Variants in RBL1 observed in about 807,000 individuals in gnomAD.
RBL1 encodes the protein RB transcriptional corepressor like 1.
In RBL1, 82 loss-of-function variants were observed where a neutral mutation model predicts 123.0. The observed-to-expected ratio is 0.67, with a 90% CI of 0.56 to 0.80. RBL1 has a LOEUF of 0.80. RBL1 is among the 30% of genes least tolerant of loss of function. The probability of loss-of-function intolerance (pLI) is 0.00; values close to 1 mark genes in which losing one functional copy is unlikely to be tolerated. For missense variants in RBL1, 1,171 were observed against 1,299.6 expected (o/e 0.90, Z 1.52); for synonymous variants, 405 against 441.3 (o/e 0.92, Z 1.03).
At chr20:37,035,727 G>A (rs1215258909) in intron 14 of RBL1, among the ~76,000 whole-genome samples, 2 of 152,146 alleles carry the variant, frequency 1.3e-5, no homozygotes, top group Non-Finnish European at 2.9e-5. Context: ...CATCTTCCTG[G>A]TTTCTTGAAC....
chr20:37,022,278 T>A (rs1355562453), intron 17 of RBL1, among the ~76,000 whole-genome samples: 1 of 152,226 alleles, frequency 6.6e-6, no homozygotes, highest in Non-Finnish European at 1.5e-5. Flanking sequence ...AAAATGCTCT[T>A]CTGAGGCAGC....
At chr20:37,060,330 A>C (rs1217476338) in intron 9 of RBL1, among the ~76,000 whole-genome samples, 1 of 152,142 alleles carries the variant, frequency 6.6e-6, no homozygotes, top group African/African-American at 2.4e-5. Context: ...GAAACAAACA[A>C]AAATAAAAAT....
At chr20:37,027,701 A>G (rs2036049661) in intron 16 of RBL1, among the ~76,000 whole-genome samples, 1 of 152,248 alleles carries the variant, frequency 6.6e-6, no homozygotes, top group South Asian at 2.1e-4. Flanking sequence ...TTTAGGCATT[A>G]TAATAAGAAC....
intron 14 of RBL1, among the ~76,000 whole-genome samples, chr20:37,037,085 C>T (rs962487316): frequency 1.3e-5 from 2 of 152,196 alleles, no homozygotes; most frequent in African/African-American, 4.8e-5. Context: ...CTTCTCCTGT[C>T]TTCAGTAAAC....
chr20:37,044,298 C>A, intron 12 of RBL1, 48 bp from the exon 13 acceptor site: 2 of 1,570,590 alleles, frequency 1.3e-6, no homozygotes, highest in South Asian at 1.1e-5. Context: ...GCAGTTAGTT[C>A]TAGTCTGGAC....
In RBL1 at chr20:36,998,873, T is replaced by C; in HGVS notation, c.3093A>G (p.Arg1031=). The change falls in exon 22 of 22, where the codon CGA becomes CGG. Residue 1031 remains arginine, a synonymous_variant. Coordinates refer to ENST00000373664, the MANE Select transcript of RBL1 (RefSeq NM_002895.5). ...CTGCATCACTATCGATGGCTATTAC[T>C]CGCTTCTTGGTTCTCTGCTCACCTT... is the stretch of plus-strand genomic sequence containing the variant. The part of the protein sequence containing the change: ...IRQGEQRTKK[R]VIAIDSDAES... 1 of 1,613,726 alleles carries C rather than the reference T, an allele frequency of 6.2e-7. No homozygotes were observed. Among genetic ancestry groups the C allele is most frequent in the Non-Finnish European group, 8.5e-7 (1 of 1,179,666 alleles).
In RBL1 at chr20:37,067,974, T is replaced by C; in HGVS notation, c.491+12A>G. On this transcript the variant is annotated intron_variant, in intron 3 of 21. Transcript: ENST00000373664. Reference sequence around the variant, plus strand: ...AATCTTTATGTCAATTATATAAGGATTAAGGGCTCACCTCTGCTTCCGGCT... The same window carrying C: ...AATCTTTATGTCAATTATATAAGGACTAAGGGCTCACCTCTGCTTCCGGCT... 1 of 1,612,166 alleles carries C rather than the reference T, an allele frequency of 6.2e-7. No homozygotes were observed. Among genetic ancestry groups the C allele is most frequent in the Non-Finnish European group, 8.5e-7 (1 of 1,179,284 alleles).
intron 20 of RBL1, among the ~76,000 whole-genome samples, chr20:37,006,237 G>C (rs900732082): frequency 2.7e-5 from 4 of 146,818 alleles, no homozygotes; most frequent in Non-Finnish European, 6.0e-5. Flanking sequence ...TTTCCCTCTT[G>C]TCACCCAGGC....
chr20:37,061,342 A>AT (rs1472075509), intron 8 of RBL1, 73 bp from the exon 9 acceptor site: 87 of 1,504,992 alleles, frequency 5.8e-5, no homozygotes, highest in Non-Finnish European at 7.5e-5. Flanking sequence ...TTCAGTGCAT[A>AT]TACCATCTTC....
In RBL1 at chr20:37,040,223, CA is replaced by C; in HGVS notation, c.1832del (p.Leu611ArgfsTer7). 1 of 1,614,128 alleles carries C rather than the reference CA, an allele frequency of 6.2e-7. No individual in the cohort carries two copies. Reference protein sequence around the residue: ...NGGNVQGHLPLMPMSPLMHPR... With the variant: ...NGGNVQGHLPXMPMSPLMHPR... ...GGTGCATTAGAGGAGACATTGGCATCAGGGGAAGATGTCCCTGCACATTTCC... is the reference window on the plus strand; with the variant it reads ...GGTGCATTAGAGGAGACATTGGCATCGGGGAAGATGTCCCTGCACATTTCC... On this transcript the variant is annotated frameshift_variant, in exon 14 of 22. Transcript: ENST00000373664. LOFTEE classifies it high-confidence loss of function.
chr20:37,077,787 GAAA>G (rs147186219), intron 2 of RBL1, among the ~76,000 whole-genome samples: 11 of 117,938 alleles, frequency 9.3e-5, no homozygotes, highest in African/African-American at 2.5e-4. Context: ...TCTATTTTCT[GAAA>G]AAAAAAAAAA....
intron 11 of RBL1, among the ~76,000 whole-genome samples, chr20:37,055,274 C>G (rs1351401990): frequency 9.2e-6 from 1 of 108,948 alleles, no homozygotes; most frequent in Non-Finnish European, 1.7e-5. Context: ...GTTGCTTTAA[C>G]AGGTGGAGGG....
chr20:37,051,187 C>CT (rs914154164), intron 11 of RBL1, among the ~76,000 whole-genome samples: 17 of 85,080 alleles, frequency 2.0e-4, no homozygotes, highest in African/African-American at 3.9e-4. Flanking sequence ...ATCTTTTTTT[C>CT]TTTTTTTTTT....
At chr20:37,005,900 T>TC (rs1363556858) in intron 20 of RBL1, among the ~76,000 whole-genome samples, 36 of 138,568 alleles carry the variant, frequency 2.6e-4, no homozygotes, top group African/African-American at 1.0e-3. Flanking sequence ...CTTTCTTTTT[T>TC]TTTTTTTTTT....
chr20:37,018,423 A>T, intron 18 of RBL1, 54 bp from the exon 19 acceptor site: 1 of 1,538,250 alleles, frequency 6.5e-7, no homozygotes, highest in Non-Finnish European at 8.7e-7. Flanking sequence ...TACAGGTTAA[A>T]CAAAATCAAA....
rs754788051 is a variant in RBL1 at position 37,061,249 on chromosome 20, A to G, written c.1104T>C (p.Ser368=). Residue 368 remains serine, a synonymous_variant, in exon 9 of 22, where the codon TCT becomes TCC. Coordinates refer to ENST00000373664, the MANE Select transcript of RBL1 (RefSeq NM_002895.5). ...HFEKKRSFAP[S]TPLTGRRYLR... Reference sequence around the variant, plus strand: ...AATATCTCCGTCCGGTCAGTGGGGTAGAAGGTGCAAATGACCTTTTCTGTC... The same window carrying G: ...AATATCTCCGTCCGGTCAGTGGGGTGGAAGGTGCAAATGACCTTTTCTGTC... 1 of 1,612,170 alleles carries G rather than the reference A, an allele frequency of 6.2e-7. No homozygotes were observed. The highest frequency in any genetic ancestry group is 8.5e-7 in the Non-Finnish European group (1 of 1,179,310).
chr20:37,084,531 C>T (rs1306077925), intron 2 of RBL1, among the ~76,000 whole-genome samples: 1 of 151,970 alleles, frequency 6.6e-6, no homozygotes, highest in Non-Finnish European at 1.5e-5. Context: ...TGAGACCCGT[C>T]TCTACAAAAA....
intron 9 of RBL1, among the ~76,000 whole-genome samples, chr20:37,059,176 A>C (rs1239054491): frequency 6.6e-6 from 1 of 152,202 alleles, no homozygotes; most frequent in Non-Finnish European, 1.5e-5. Flanking sequence ...CTATTTACTC[A>C]AATGATATGG....
rs917873666 is a variant in RBL1, at chr20:37,006,424, C to T, written c.2871+987G>A. On this transcript the variant is annotated intron_variant, in intron 20 of 21. Transcript: ENST00000373664. ...GCCAGGCTGGTCTCAAACTCCTGAC[C>T]TCTGGTGATCCGCCCGCCTAGGCCT... is the stretch of plus-strand genomic sequence containing the variant. Among the ~76,000 whole-genome samples, 9 of 151,198 alleles carry T rather than the reference C, an allele frequency of 6.0e-5. 1 individual carries two copies. The highest frequency in any genetic ancestry group is 1.9e-4 in the African/African-American group (8 of 41,278).
Sources: gnomAD v4.1 joint callset for allele counts (sites outside exome capture counted in the v4.1 genomes callset) on GRCh38, gnomAD v4.1.1 for gene constraint, MANE v1.5 for transcripts, NCBI Gene and HGNC (gene_info 2026-07-23, HGNC 2026-07-21) for gene names.